Variants in SEPTIN7 observed in about 807,000 individuals in gnomAD.
SEPTIN7 encodes septin 7, also known as septin-7.
SEPTIN7 carries 10 observed loss-of-function variants against 63.3 expected under a neutral mutation model. The observed-to-expected ratio is 0.16, with a 90% confidence interval of 0.10 to 0.27. SEPTIN7 has a LOEUF of 0.27. SEPTIN7 is among the 10% of genes least tolerant of loss of function. The pLI is 1.00. For synonymous variants in SEPTIN7, 131 were observed against 165.3 expected (o/e 0.79, Z 1.59); for missense variants, 310 against 521.0 (o/e 0.59, Z 3.94).
intron 11 of SEPTIN7, among the ~76,000 whole-genome samples, chr7:35,897,161 G>A (rs1175495385): frequency 2.0e-5 from 3 of 152,124 alleles, no homozygotes; most frequent in South Asian, 2.1e-4. Context: ...AAAAAAATTA[G>A]CGTATTACAG....
At chr7:35,861,318 C>T (rs1427071944) in intron 3 of SEPTIN7, among the ~76,000 whole-genome samples, 1 of 151,916 alleles carries the variant, frequency 6.6e-6, no homozygotes, top group African/African-American at 2.4e-5. Flanking sequence ...AATTTTTGTT[C>T]CTTGGAATGG....
At chr7:35,871,811 A>G (rs1331561630) in intron 4 of SEPTIN7, among the ~76,000 whole-genome samples, 1 of 152,144 alleles carries the variant, frequency 6.6e-6, no homozygotes, top group Non-Finnish European at 1.5e-5. Flanking sequence ...TTCTGGAGGA[A>G]TTATTCCCTT....
At chr7:35,898,625 T>C (rs1162316990) in intron 12 of SEPTIN7, 1 of 309,742 alleles carries the variant, frequency 3.2e-6, no homozygotes, top group Non-Finnish European at 6.0e-6. Context: ...AGAATACTTA[T>C]AATGAATTAT....
chr7:35,810,659 T>C (rs1788642619), intron 1 of SEPTIN7, among the ~76,000 whole-genome samples: 2 of 152,092 alleles, frequency 1.3e-5, no homozygotes, highest in African/African-American at 4.8e-5. Flanking sequence ...CTGGTACGTT[T>C]CACAGCAGCA....
chr7:35,802,206 GT>G, intron 1 of SEPTIN7: 1 of 290,226 alleles, frequency 3.4e-6, no homozygotes, highest in Non-Finnish European at 7.3e-6. Context: ...TCCCCCACAT[GT>G]TGGAAAAAGA....
intron 3 of SEPTIN7, among the ~76,000 whole-genome samples, chr7:35,839,902 C>G (rs967051578): frequency 3.3e-5 from 5 of 152,042 alleles, no homozygotes; most frequent in African/African-American, 1.2e-4. Context: ...TTACCCCTAC[C>G]CTTGTTACAA....
chr7:35,915,258 C>CAT, the SEPTIN7 span, among the ~76,000 whole-genome samples: 13,475 of 151,380 alleles, frequency 0.089, 711 homozygotes, highest in South Asian at 0.18. Context: ...CGCTCATACA[C>CAT]ATATATATAT....
rs1158854952 is a variant in SEPTIN7 at position 35,876,751 on chromosome 7, C to T, written c.512+2976C>T. On this transcript the variant is annotated intron_variant, in intron 6 of 13. Transcript: ENST00000350320. ...TGAGAGGCTGAGGCAGGTGGATCAC[C>T]TGAGGTCAGGAGTTCAAGACCAGCC... Among the ~76,000 whole-genome samples, 8 of 152,066 alleles carry T rather than the reference C, an allele frequency of 5.3e-5. No individual in the cohort carries two copies. In the East Asian group the frequency reaches 1.5e-3, roughly 29 times the overall value.
intron 1 of SEPTIN7, among the ~76,000 whole-genome samples, chr7:35,824,634 A>G (rs1192899405): frequency 6.6e-6 from 1 of 152,186 alleles, no homozygotes; most frequent in Admixed American, 6.5e-5. Flanking sequence ...CTCAAGCCCA[A>G]ATTAAGAAAT....
chr7:35,893,622 G>C (rs1299519962), intron 11 of SEPTIN7, among the ~76,000 whole-genome samples: 1 of 152,156 alleles, frequency 6.6e-6, no homozygotes, highest in East Asian at 1.9e-4. Flanking sequence ...GTTAAGCAGT[G>C]CATGACTGTG....
intron 1 of SEPTIN7, among the ~76,000 whole-genome samples, chr7:35,804,557 TTGA>T (rs1435890828): frequency 6.6e-6 from 1 of 152,210 alleles, no homozygotes; most frequent in Non-Finnish European, 1.5e-5. Flanking sequence ...AACATGGGCT[TTGA>T]TGTTAGATAT....
chr7:35,897,377 C>G (rs1481551179), intron 11 of SEPTIN7, among the ~76,000 whole-genome samples: 1 of 152,152 alleles, frequency 6.6e-6, no homozygotes, highest in Non-Finnish European at 1.5e-5. Context: ...CTTTGGCATT[C>G]TCTTGTGTCT....
At chr7:35,802,250 A>G in intron 1 of SEPTIN7, 1 of 368,232 alleles carries the variant, frequency 2.7e-6, no homozygotes, top group Non-Finnish European at 5.5e-6. Flanking sequence ...TCCACTCCTG[A>G]GTTCCATTTC....
At chr7:35,872,499 A>G (rs1786210082) in intron 4 of SEPTIN7, among the ~76,000 whole-genome samples, 167 bp from the exon 5 acceptor site, 2 of 152,140 alleles carry the variant, frequency 1.3e-5, no homozygotes, top group Admixed American at 6.5e-5. Context: ...CTGGATTTCC[A>G]ATGCCCGCTA....
chr7:35,807,726 G>T (rs1374935888), intron 1 of SEPTIN7, among the ~76,000 whole-genome samples: 1 of 151,466 alleles, frequency 6.6e-6, no homozygotes, highest in Non-Finnish European at 1.5e-5. Flanking sequence ...TCGAACTCTC[G>T]ACCTCAGGTG....
Position 35,801,145 on chromosome 7 carries a change from G to A in SEPTIN7, c.-65G>A. On this transcript the variant is annotated 5_prime_UTR_variant, in exon 1 of 14. Coordinates refer to ENST00000350320, the MANE Select transcript of SEPTIN7 (RefSeq NM_001788.6). ...CGGGCGGCTACGCTGCGGAATCGGC[G>A]TAGGCGCCTTTGGAGAATCGGCGGG... 7.3e-7 allele frequency: 1 copy of A among 1,378,258 alleles called. No individual in the cohort carries two copies. Among genetic ancestry groups the A allele is most frequent in the Non-Finnish European group, 9.7e-7 (1 of 1,034,254 alleles). The allele number at this position is 1,378,258 out of a possible 1,614,324, so 85.4% of individuals were successfully genotyped here.
In SEPTIN7 at chr7:35,840,220, C is replaced by G. The variant is rs1382670335; in HGVS notation, c.169+7320C>G. 4.1e-4 allele frequency among the ~76,000 whole-genome samples: 36 copies of G among 88,566 alleles called. No individual in the cohort carries two copies. In the East Asian group the frequency reaches 5.7e-3, roughly 14 times the overall value. The allele number at this position is 88,566 out of a possible 152,430, so 58.1% of individuals were successfully genotyped here. ...TCCCCCTCCCCCCTTTCCCCTCCCC[C>G]CTTCCCCCCTTTCCCCTCCCCTTCC... is the stretch of plus-strand genomic sequence containing the variant. On this transcript the variant is annotated intron_variant, in intron 3 of 13. Coordinates refer to ENST00000350320, the MANE Select transcript of SEPTIN7 (RefSeq NM_001788.6).
intron 3 of SEPTIN7, chr7:35,838,684 T>A (rs971029389): frequency 6.6e-6 from 1 of 151,946 alleles, no homozygotes; most frequent in African/African-American, 2.4e-5. Flanking sequence ...CCGACCTCAG[T>A]CTTTTTCTTT....
intron 11 of SEPTIN7, among the ~76,000 whole-genome samples, chr7:35,891,409 C>T (rs1787636603): frequency 6.6e-6 from 1 of 152,182 alleles, no homozygotes. Flanking sequence ...GCCTTCTACA[C>T]ACCTAGGTTA....
Sources: allele counts gnomAD v4.1 joint callset (sites outside exome capture counted in the v4.1 genomes callset), GRCh38; gene constraint gnomAD v4.1.1; transcripts MANE v1.5; gene names NCBI Gene and HGNC (gene_info 2026-07-23, HGNC 2026-07-21).